NRG1: variants seen among roughly 807,000 people sequenced by gnomAD.
The protein encoded by NRG1 is pro-neuregulin-1, membrane-bound isoform.
Under a neutral mutation model 63.8 loss-of-function variants are expected in NRG1, and 18 were observed. That is an observed-to-expected ratio of 0.28 (90% CI 0.19 to 0.42). NRG1 has a LOEUF of 0.42. Ranked by LOEUF, NRG1 falls within the 10% of genes least tolerant of loss-of-function variation. NRG1 has a pLI of 1.00. For missense variants in NRG1, 762 were observed against 814.7 expected (o/e 0.94, Z 0.79); for synonymous variants, 302 against 301.3 (o/e 1.00, Z -0.02).
chr8:32,605,099 G>A (rs765336833), intron 2 of NRG1, among the ~76,000 whole-genome samples: 19 of 152,134 alleles, frequency 1.2e-4, no homozygotes, highest in Non-Finnish European at 2.1e-4. Flanking sequence ...GAAGAAGAGT[G>A]CACAGTATTT....
At chr8:32,771,725 T>C (rs1354753552), downstream of NRG1, among the ~76,000 whole-genome samples, 1 of 112,582 alleles carries the variant, frequency 8.9e-6, no homozygotes, top group Non-Finnish European at 2.1e-5. Flanking sequence ...AATATATATA[T>C]ATATATATAT....
chr8:32,625,338 A>C (rs1849033701), intron 5 of NRG1, among the ~76,000 whole-genome samples: 1 of 152,254 alleles, frequency 6.6e-6, no homozygotes, highest in Admixed American at 6.5e-5. Flanking sequence ...AGCTATGCTC[A>C]TCTTTATTCA....
At chr8:31,836,187 A>G (rs551282251) in intron 1 of NRG1, among the ~76,000 whole-genome samples, 1 of 152,282 alleles carries the variant, frequency 6.6e-6, no homozygotes, top group African/African-American at 2.4e-5. Context: ...TTCTTCCACT[A>G]AACTTAAAAT....
intron 1 of NRG1, among the ~76,000 whole-genome samples, chr8:32,405,143 C>T (rs1813784011): frequency 6.6e-6 from 1 of 152,166 alleles, no homozygotes; most frequent in Non-Finnish European, 1.5e-5. Context: ...TCTGGTCCAC[C>T]TTAAGCTAGG....
intron 1 of NRG1, among the ~76,000 whole-genome samples, chr8:31,719,371 T>G (rs558255784): frequency 6.6e-6 from 1 of 152,296 alleles, no homozygotes; most frequent in African/African-American, 2.4e-5. Context: ...AAAATTAAAC[T>G]GAGTATAGAA....
At chr8:32,531,444 G>A (rs1420540135) in intron 1 of NRG1, among the ~76,000 whole-genome samples, 1 of 151,808 alleles carries the variant, frequency 6.6e-6, no homozygotes, top group African/African-American at 2.4e-5. Context: ...ATTACTTTTA[G>A]AGGAAAGATT....
chr8:31,844,883 AG>A (rs1447917815), intron 1 of NRG1, among the ~76,000 whole-genome samples: 3 of 151,682 alleles, frequency 2.0e-5, no homozygotes, highest in Non-Finnish European at 2.9e-5. Flanking sequence ...GCACTTTGGG[AG>A]GATCATGAGG....
At chr8:32,270,721 TC>T (rs1851454783) in intron 1 of NRG1, among the ~76,000 whole-genome samples, 1 of 152,188 alleles carries the variant, frequency 6.6e-6, no homozygotes, top group Non-Finnish European at 1.5e-5. Context: ...ATGCATCTCT[TC>T]CTCATATTCA....
chr8:32,282,783 A>G (rs1230036446), intron 1 of NRG1, among the ~76,000 whole-genome samples: 1 of 152,222 alleles, frequency 6.6e-6, no homozygotes, highest in Non-Finnish European at 1.5e-5. Context: ...TAAAGGAATC[A>G]TAATTCCTAC....
intron 1 of NRG1, among the ~76,000 whole-genome samples, chr8:32,019,748 C>CTA (rs1816141270): frequency 6.6e-6 from 1 of 152,120 alleles, no homozygotes; most frequent in African/African-American, 2.4e-5. Flanking sequence ...CACACAGTTG[C>CTA]TATAGTACCA....
chr8:31,990,402 TA>T (rs1449819616), intron 1 of NRG1, among the ~76,000 whole-genome samples: 3 of 152,044 alleles, frequency 2.0e-5, no homozygotes, highest in Non-Finnish European at 4.4e-5. Flanking sequence ...TTGTGGTAGG[TA>T]GAAATGCCCA....
rs1005451041 is a variant in NRG1 at position 32,078,474 on chromosome 8, C to A, written c.37+439043C>A. ...TTCAGTCCCAGGTATTCCTTTATAG[C>A]AACACAAAACAGGCAAATACCGGAG... On this transcript the variant is annotated intron_variant, in intron 1 of 10. Transcript: ENST00000519301. Among the ~76,000 whole-genome samples, 4 of 152,244 alleles carry A rather than the reference C, an allele frequency of 2.6e-5. No homozygotes were observed. The East Asian group carries it at 7.7e-4, about 29-fold the overall frequency.
chr8:32,088,323 C>A (rs1051838750), intron 1 of NRG1, among the ~76,000 whole-genome samples: 4 of 152,126 alleles, frequency 2.6e-5, no homozygotes, highest in Non-Finnish European at 5.9e-5. Flanking sequence ...GATAAATAAT[C>A]ATGGAAAATA....
intron 1 of NRG1, among the ~76,000 whole-genome samples, chr8:31,819,295 T>C (rs1017356016): frequency 1.3e-5 from 2 of 152,122 alleles, no homozygotes; most frequent in Non-Finnish European, 2.9e-5. Context: ...TAAAACAAAA[T>C]CTATCAGATA....
intron 5 of NRG1, among the ~76,000 whole-genome samples, chr8:32,681,645 G>T (rs1808667837): frequency 6.6e-6 from 1 of 152,134 alleles, no homozygotes; most frequent in South Asian, 2.1e-4. Flanking sequence ...CAGTTTTACA[G>T]CTACTTGGGA....
At chr8:32,490,521 T>C (rs1053733246) in intron 1 of NRG1, among the ~76,000 whole-genome samples, 3 of 152,104 alleles carry the variant, frequency 2.0e-5, no homozygotes, top group Admixed American at 6.5e-5. Flanking sequence ...TGATAGTTGA[T>C]TGGCATTGTT....
At chr8:32,393,995 A>G (rs1217331422) in intron 1 of NRG1, among the ~76,000 whole-genome samples, 1 of 152,078 alleles carries the variant, frequency 6.6e-6, no homozygotes, top group East Asian at 1.9e-4. Flanking sequence ...CTCTGTCCTA[A>G]TATTTATATT....
chr8:32,698,784 T>A (rs187952393), intron 5 of NRG1, among the ~76,000 whole-genome samples: 273 of 152,308 alleles, frequency 1.8e-3, no homozygotes, highest in Non-Finnish European at 3.5e-3. Flanking sequence ...AAATATATCA[T>A]GAAATTGAAA....
intron 1 of NRG1, among the ~76,000 whole-genome samples, chr8:31,725,008 AACTT>A (rs1334328951): frequency 6.6e-6 from 1 of 152,192 alleles, no homozygotes; most frequent in Non-Finnish European, 1.5e-5. Flanking sequence ...GTTCCAATAA[AACTT>A]TATTTATAGA....
Sources: gnomAD v4.1 joint callset for allele counts (sites outside exome capture counted in the v4.1 genomes callset) on GRCh38, gnomAD v4.1.1 for gene constraint, MANE v1.5 for transcripts, NCBI Gene and HGNC (gene_info 2026-07-23, HGNC 2026-07-21) for gene names.